Variants in SPTB observed in about 807,000 individuals in gnomAD.
SPTB encodes the protein spectrin beta chain, erythrocytic.
Under a neutral mutation model 256.2 loss-of-function variants are expected in SPTB, and 45 were observed. That is an observed-to-expected ratio of 0.18 (90% CI 0.14 to 0.23). The LOEUF (loss-of-function observed/expected upper bound fraction) is 0.23. Ranked by LOEUF, SPTB falls within the 10% of genes least tolerant of loss-of-function variation. SPTB has a pLI of 1.00. For missense variants in SPTB, 2,715 were observed against 3,040.4 expected (o/e 0.89, Z 2.52); for synonymous variants, 1,231 against 1,243.1 (o/e 0.99, Z 0.21).
chr14:64,876,398 C>T lies in SPTB; in HGVS notation c.-52+3394G>A, dbSNP rs572465347. Among the ~76,000 whole-genome samples the T allele has an allele frequency of 4.6e-5, 7 of 152,250 alleles. No homozygotes were observed. In the South Asian group the frequency reaches 6.2e-4, roughly 14 times the overall value. ...CCAGCATGGTGAAACCCCATCTCTA[C>T]TTTAAATCTCCCACTGGTCATGTTT... is the stretch of plus-strand genomic sequence containing the variant. On this transcript the variant is annotated intron_variant, in intron 1 of 35. Coordinates refer to ENST00000644917, the MANE Select transcript of SPTB (RefSeq NM_001355436.2).
At chr14:64,834,849 C>G (rs891493580) in intron 1 of SPTB, among the ~76,000 whole-genome samples, 5 of 152,188 alleles carry the variant, frequency 3.3e-5, no homozygotes, top group African/African-American at 1.2e-4. Context: ...GACAGGGAAG[C>G]CCTACCTTAC....
chr14:64,801,361 AT>A lies in SPTB; in HGVS notation c.686del (p.Asn229MetfsTer52). 6.2e-7 allele frequency: 1 copy of A among 1,614,208 alleles called. No individual in the cohort carries two copies. Among genetic ancestry groups the A allele is most frequent in the Non-Finnish European group, 8.5e-7 (1 of 1,180,026 alleles). On this transcript the variant is annotated frameshift_variant, in exon 7 of 36. Transcript: ENST00000644917. LOFTEE classifies it high-confidence loss of function. Reference sequence around the variant, plus strand: ...ATGCGTGCTCCAGGTTGTGCCGGGCATTGGAGTCCTTCAGCTTATCAAAGTC... The same window carrying A: ...ATGCGTGCTCCAGGTTGTGCCGGGCATGGAGTCCTTCAGCTTATCAAAGTC... Reference protein sequence around the residue: ...LIDFDKLKDSNARHNLEHAFN... With the variant: ...LIDFDKLKDSXARHNLEHAFN...
At chr14:64,783,528 C>A (rs943793799) in intron 19 of SPTB, among the ~76,000 whole-genome samples, 1 of 152,150 alleles carries the variant, frequency 6.6e-6, no homozygotes, top group African/African-American at 2.4e-5. Flanking sequence ...TTGAGTGTCT[C>A]ATAATTGCCA....
chr14:64,757,409 T>C (rs989308756), intron 32 of SPTB: 3 of 152,264 alleles, frequency 2.0e-5, no homozygotes, highest in Admixed American at 6.5e-5. Context: ...CCACATTCCT[T>C]GGCAGGGACA....
intron 1 of SPTB, among the ~76,000 whole-genome samples, chr14:64,874,215 C>A (rs1882695804): frequency 6.6e-6 from 1 of 152,112 alleles, no homozygotes. Flanking sequence ...CTCGCAGGCC[C>A]CCTCATCCTC....
chr14:64,766,264 TTGTGTGTGCATGCA>T, intron 32 of SPTB: 1 of 461,996 alleles, frequency 2.2e-6, no homozygotes, highest in Non-Finnish European at 3.1e-6. Context: ...GGGTGTGTAT[TTGTGTGTGCATGCA>T]TGTGTGTGTG....
At position 64,769,059 on chromosome 14, in the gene SPTB, T is replaced by G; in HGVS notation, c.5997A>C (p.Glu1999Asp). The G allele has an allele frequency of 6.2e-7, 1 of 1,613,700 alleles. No individual in the cohort carries two copies. Among genetic ancestry groups the G allele is most frequent in the South Asian group, 1.1e-5 (1 of 91,088 alleles). Residue 1999 changes from glutamate (E) to aspartate (D), a missense_variant, in exon 29 of 36, where the codon GAA becomes GAC. By Grantham distance (45) the Glu-to-Asp change is conservative. Coordinates refer to ENST00000644917, the MANE Select transcript of SPTB (RefSeq NM_001355436.2). ...ACATGCGGAGCCGCTCCCAGCGGGC[T>G]TCCCACTTCTCATTCATCTCTTTCC... is the stretch of plus-strand genomic sequence containing the variant. Reference protein sequence around the residue: ...SRRKEMNEKWEARWERLRMLL... With the variant: ...SRRKEMNEKWDARWERLRMLL...
chr14:64,774,629 A>G, intron 23 of SPTB, 102 bp from the exon 24 acceptor site: 1 of 1,515,634 alleles, frequency 6.6e-7, no homozygotes, highest in Middle Eastern at 1.7e-4. Flanking sequence ...GGAGGAGGGG[A>G]GTAGGCTTGT....
At chr14:64,774,599 C>A in intron 23 of SPTB, 72 bp from the exon 24 acceptor site, 1 of 1,548,656 alleles carries the variant, frequency 6.5e-7, no homozygotes, top group Non-Finnish European at 8.7e-7. Context: ...GTTGTGCCCC[C>A]ACTCCTGGAG....
In SPTB at chr14:64,759,326, C is replaced by T. The variant is rs35595126; in HGVS notation, c.6346-5533G>A. ...CGAACCTGCAGTGGGAGGCCTGTGG[C>T]CCTGTTGGATCAGTCCTGCCTCTTT... On this transcript the variant is annotated intron_variant, in intron 32 of 35. Transcript: ENST00000644917. The surrounding 1 kb of genome is among the most constrained non-coding windows in gnomAD (Gnocchi z 4.8). Among the ~76,000 whole-genome samples, 19,019 of 152,186 alleles carry T rather than the reference C, an allele frequency of 0.12. 1,381 individuals carry two copies. Among genetic ancestry groups the T allele is most frequent in the African/African-American group, 0.17 (7,165 of 41,504 alleles).
In SPTB at chr14:64,786,851, G is replaced by A. The variant is rs752178210; in HGVS notation, c.3114C>T (p.His1038=). 1 of 1,613,492 alleles carries A rather than the reference G, an allele frequency of 6.2e-7. No homozygotes were observed. The highest frequency in any genetic ancestry group is 1.1e-5 in the South Asian group (1 of 91,082). The change falls in exon 16 of 36, where the codon CAC becomes CAT. Residue 1038 remains histidine (H), a synonymous_variant. Transcript: ENST00000644917. This position sits in a 1 kb window ranked among gnomAD's most constrained non-coding sequence, Gnocchi z 5.6. ...GCAGGCCCTGCCACAGCTCCTCCAA[G>A]TGTTTTTGCCGCTGACCAATATCCT... ...QKEDIGQRQK[H]LEELWQGLQQ...
chr14:64,871,615 C>G (rs912586874), intron 1 of SPTB, among the ~76,000 whole-genome samples: 14 of 152,312 alleles, frequency 9.2e-5, no homozygotes, highest in African/African-American at 3.4e-4. Flanking sequence ...AAACCTAACA[C>G]GTGGTGCTGC....
At chr14:64,812,569 C>T (rs1375144899) in intron 2 of SPTB, among the ~76,000 whole-genome samples, 4 of 152,042 alleles carry the variant, frequency 2.6e-5, no homozygotes, top group South Asian at 2.1e-4. Flanking sequence ...CACAGGGTCA[C>T]GGCGCAGTCT....
chr14:64,831,012 G>A (rs189840507), intron 1 of SPTB, among the ~76,000 whole-genome samples: 3 of 152,244 alleles, frequency 2.0e-5, no homozygotes, highest in Admixed American at 2.0e-4. Flanking sequence ...ATCTGAGTGA[G>A]GTTGCCTTTT....
chr14:64,796,060 C>A lies in SPTB; in HGVS notation c.1342-421G>T, dbSNP rs2269300. Among the ~76,000 whole-genome samples, 1 of 152,140 alleles carries A rather than the reference C, an allele frequency of 6.6e-6. No individual in the cohort carries two copies. Among genetic ancestry groups the A allele is most frequent in the Non-Finnish European group, 1.5e-5 (1 of 68,034 alleles). Reference sequence around the variant, plus strand: ...TGGGGTGCGCATACACTCTCCAGTGCTCTCAGAATACTTGTTGCCCCCTTT... The same window carrying A: ...TGGGGTGCGCATACACTCTCCAGTGATCTCAGAATACTTGTTGCCCCCTTT... On this transcript the variant is annotated intron_variant, in intron 11 of 35. Coordinates refer to ENST00000644917, the MANE Select transcript of SPTB (RefSeq NM_001355436.2). This position sits in a 1 kb window ranked among gnomAD's most constrained non-coding sequence, Gnocchi z 4.1.
rs753726387 is a variant in SPTB at position 64,775,328 on chromosome 14, C to T, written c.4639G>A (p.Ala1547Thr). 1.3e-5 allele frequency: 21 copies of T among 1,613,474 alleles called. No individual in the cohort carries two copies. The highest frequency in any genetic ancestry group is 1.8e-5 in the Non-Finnish European group (21 of 1,179,816). Reference protein sequence around the residue: ...VLQRGQQLVEAAEIDCQDLEE... With the variant: ...VLQRGQQLVETAEIDCQDLEE... ...AGGTCCTGGCAGTCGATCTCCGCCGCCTCCACCAGCTGCTGCCCTCTCTGC... is the reference window on the plus strand; with the variant it reads ...AGGTCCTGGCAGTCGATCTCCGCCGTCTCCACCAGCTGCTGCCCTCTCTGC... Residue 1547 changes from alanine to threonine, a missense_variant, in exon 23 of 36, where the codon GCG becomes ACG. Around this residue, in one of 4 missense-constraint regions of SPTB, gnomAD observed 2,239 missense variants for 2,384.4 expected, o/e 0.94. Transcript: ENST00000644917. The surrounding 1 kb of genome is among the most constrained non-coding windows in gnomAD (Gnocchi z 5.0).
Position 64,796,445 on chromosome 14 carries a change from G to T in SPTB, c.1341+112C>A, listed in dbSNP as rs1019774167. 5.6e-6 allele frequency: 8 copies of T among 1,429,880 alleles called. No homozygotes were observed. The African/African-American group carries it at 9.8e-5, about 18-fold the overall frequency. 88.6% of individuals were successfully genotyped at this position (1,429,880 alleles called of 1,614,324 possible). Reference sequence around the variant, plus strand: ...CACTGGATCACGGGGGAGCTGTGCTGCAAGGCACGAGGAGAGGCTGTGAGA... The same window carrying T: ...CACTGGATCACGGGGGAGCTGTGCTTCAAGGCACGAGGAGAGGCTGTGAGA... On this transcript the variant is annotated intron_variant, in intron 11 of 35. Transcript: ENST00000644917. This position sits in a 1 kb window ranked among gnomAD's most constrained non-coding sequence, Gnocchi z 4.1.
At position 64,779,982 on chromosome 14, in the gene SPTB, C is replaced by T; in HGVS notation, c.4267-51G>A. On this transcript the variant is annotated intron_variant, in intron 20 of 35. Transcript: ENST00000644917. This position sits in a 1 kb window ranked among gnomAD's most constrained non-coding sequence, Gnocchi z 4.2. Reference sequence around the variant, plus strand: ...CACCAGCCTTGGCACCTGCACAGCCCCTCCATCTTCTTCATTCATCTGCAT... The same window carrying T: ...CACCAGCCTTGGCACCTGCACAGCCTCTCCATCTTCTTCATTCATCTGCAT... The T allele has an allele frequency of 1.3e-6, 2 of 1,491,618 alleles. No homozygotes were observed. Among genetic ancestry groups the T allele is most frequent in the Non-Finnish European group, 1.9e-6 (2 of 1,069,486 alleles). The allele number at this position is 1,491,618 out of a possible 1,614,324, so 92.4% of individuals were successfully genotyped here. A position where few individuals can be genotyped will look rare whatever the true frequency, so the allele number is the denominator to read the frequency against.
Position 64,784,228 on chromosome 14 carries a change from G to A in SPTB, c.4002+19C>T, listed in dbSNP as rs200007575. On this transcript the variant is annotated intron_variant, in intron 19 of 35. Coordinates refer to ENST00000644917, the MANE Select transcript of SPTB (RefSeq NM_001355436.2). ...TATCTGAGCAGAGCACCCACCCGCC[G>A]CCCAATCACTTTACTTACCGCATCG... is the stretch of plus-strand genomic sequence containing the variant. 53 of 1,614,038 alleles carry A rather than the reference G, an allele frequency of 3.3e-5. No individual in the cohort carries two copies. In the East Asian group the frequency reaches 5.6e-4, roughly 17 times the overall value.
Sources: allele counts gnomAD v4.1 joint callset (sites outside exome capture counted in the v4.1 genomes callset), GRCh38; gene constraint gnomAD v4.1.1; regional missense constraint gnomAD v4.1.1; non-coding constraint Gnocchi (gnomAD v3.1); transcripts MANE v1.5; gene names NCBI Gene and HGNC (gene_info 2026-07-23, HGNC 2026-07-21).